The following ANK2 variants were observed in gnomAD, a reference collection of about 807,000 sequenced individuals.
The protein encoded by ANK2 is ankyrin 2.
In ANK2, 83 loss-of-function variants were observed where a neutral mutation model predicts 360.5. The ratio of observed to expected loss-of-function variants is 0.23; its 90% CI spans 0.19 to 0.28. The LOEUF (loss-of-function observed/expected upper bound fraction) is 0.28. Ranked by LOEUF, ANK2 falls within the 10% of genes least tolerant of loss-of-function variation. The pLI, the probability that ANK2 is intolerant of heterozygous loss-of-function variation, is 1.00. For synonymous variants in ANK2, 1,740 were observed against 1,759.5 expected, an observed-to-expected ratio of 0.99 and a Z score of 0.28; for missense variants, 4,201 against 4,795.7, an observed-to-expected ratio of 0.88 and a Z score of 3.66.
rs751253688 is a variant in ANK2, at chr4:113,356,873, C to A, written c.8255C>A (p.Thr2752Asn). The A allele has an allele frequency of 6.2e-7, 1 of 1,614,040 alleles. No homozygotes were observed. Among genetic ancestry groups the A allele is most frequent in the Non-Finnish European group, 8.5e-7 (1 of 1,179,994 alleles). ...GCTGAAGACCGTCATGCTGTTTCCA[C>A]TGAGGCTGAAGACAGGTCTTATGAT... is the stretch of plus-strand genomic sequence containing the variant. ...HLAEDRHAVS[T>N]EAEDRSYDKL... The change falls in exon 38 of 46, where the codon ACT becomes AAT. Residue 2752 changes from threonine to asparagine, a missense_variant. This residue lies in a region of ANK2 where 2,642 missense variants were observed against 2,714.5 expected (regional missense o/e 0.97). Coordinates refer to ENST00000357077, the MANE Select transcript of ANK2 (RefSeq NM_001148.6).
chr4:113,333,617 A>T (rs2092969171), intron 29 of ANK2, among the ~76,000 whole-genome samples: 1 of 152,210 alleles, frequency 6.6e-6, no homozygotes, highest in African/African-American at 2.4e-5. Flanking sequence ...AACATTAGAT[A>T]TTTAAGATAC....
chr4:112,937,149 G>T (rs930011133), intron 2 of ANK2, among the ~76,000 whole-genome samples: 1 of 151,990 alleles, frequency 6.6e-6, no homozygotes, highest in Non-Finnish European at 1.5e-5. Flanking sequence ...TCTGAATTTG[G>T]TTCTGAAAGC....
chr4:112,832,113 A>C (rs929153664), intron 1 of ANK2, among the ~76,000 whole-genome samples: 2 of 152,222 alleles, frequency 1.3e-5, no homozygotes, highest in African/African-American at 4.8e-5. Context: ...GCGCAGTGCT[A>C]CAATCTCAGG....
chr4:113,346,036 T>A lies in ANK2; in HGVS notation c.4371+14T>A. 6.2e-7 allele frequency: 1 copy of A among 1,612,902 alleles called. No individual in the cohort carries two copies. On this transcript the variant is annotated intron_variant, in intron 35 of 45. Coordinates refer to ENST00000357077, the MANE Select transcript of ANK2 (RefSeq NM_001148.6). ...ATTTATACAAAGGTATCGTAAAATC[T>A]GCTATAGTGCAATTCAGGTAGAGTA...
the ANK2 span, among the ~76,000 whole-genome samples, chr4:112,757,955 C>T: frequency 4.3e-5 from 6 of 138,124 alleles, no homozygotes; most frequent in East Asian, 1.2e-3. Flanking sequence ...TCCTGGCCCA[C>T]TGCAACGGCG....
chr4:113,367,102 G>T (rs2096565349), intron 41 of ANK2, among the ~76,000 whole-genome samples: 1 of 152,118 alleles, frequency 6.6e-6, no homozygotes, highest in Admixed American at 6.5e-5. Context: ...GTTAATACTT[G>T]CAGTGCACTT....
intron 1 of ANK2, chr4:112,826,522 G>C: frequency 7.9e-6 from 10 of 1,265,436 alleles, no homozygotes; most frequent in Non-Finnish European, 1.1e-5. Flanking sequence ...CCTGTTATTG[G>C]CACTCCAATG....
chr4:112,724,280 G>A, the ANK2 span, among the ~76,000 whole-genome samples: 1 of 151,974 alleles, frequency 6.6e-6, no homozygotes, highest in Non-Finnish European at 1.5e-5. Flanking sequence ...GGCTAGGCTG[G>A]TCTTGAATTC....
chr4:113,358,185 A>G lies in ANK2; in HGVS notation c.9567A>G (p.Glu3189=), dbSNP rs752891592. 2 of 1,613,970 alleles carry G rather than the reference A, an allele frequency of 1.2e-6. No homozygotes were observed. The stretch of plus-strand genomic sequence containing the variant: ...TACTTCCAGATGACGTGAGTGAGGA[A>G]GTAGAGGAAATACCTGCTTCGGATG... ...ADLLPDDVSE[E]VEEIPASDAQ... The change falls in exon 38 of 46, where the codon GAA becomes GAG. Residue 3189 remains glutamate, a synonymous_variant. Transcript: ENST00000357077.
chr4:112,744,352 T>C, the ANK2 span, among the ~76,000 whole-genome samples: 1 of 151,170 alleles, frequency 6.6e-6, no homozygotes, highest in Non-Finnish European at 1.5e-5. Context: ...GGATATGATT[T>C]TTTTTTTTTT....
the ANK2 span, among the ~76,000 whole-genome samples, chr4:112,751,800 C>T: frequency 6.6e-6 from 1 of 152,098 alleles, no homozygotes; most frequent in Non-Finnish European, 1.5e-5. Context: ...GTGTTAAGGA[C>T]TTAAGAAGTG....
intron 43 of ANK2, among the ~76,000 whole-genome samples, chr4:113,372,037 A>C (rs2096756285): frequency 6.6e-6 from 1 of 152,136 alleles, no homozygotes; most frequent in African/African-American, 2.4e-5. Flanking sequence ...TGCCAGGGAG[A>C]TGCACTATTG....
At chr4:113,033,588 GA>G (rs1302252835) in intron 2 of ANK2, among the ~76,000 whole-genome samples, 12 of 151,822 alleles carry the variant, frequency 7.9e-5, no homozygotes, top group Admixed American at 2.6e-4. Flanking sequence ...TACAATTTGA[GA>G]AAAAAGTGTG....
At chr4:112,730,252 C>CA in the ANK2 span, among the ~76,000 whole-genome samples, 1,696 of 50,448 alleles carry the variant, frequency 0.034, 44 homozygotes, top group African/African-American at 0.041. Context: ...GACTCTGTCT[C>CA]AAAAAAAAAA....
chr4:113,141,135 A>G (rs1218611415), intron 1 of ANK2: 1 of 152,226 alleles, frequency 6.6e-6, no homozygotes, highest in Non-Finnish European at 1.5e-5. Flanking sequence ...GTTAGTTTAC[A>G]ATTGTGACAT....
chr4:113,316,388 A>G (rs191603168), intron 24 of ANK2, among the ~76,000 whole-genome samples: 157 of 152,336 alleles, frequency 1.0e-3, no homozygotes, highest in African/African-American at 3.1e-3. Flanking sequence ...TGAATTACCT[A>G]CAAAGTGATG....
the ANK2 span, among the ~76,000 whole-genome samples, chr4:112,732,161 T>A: frequency 6.6e-6 from 1 of 152,100 alleles, no homozygotes; most frequent in Admixed American, 6.6e-5. Context: ...ACTGGGTGTA[T>A]CAGCTCATTT....
At chr4:112,838,922 A>G (rs978628341) in intron 1 of ANK2, among the ~76,000 whole-genome samples, 5 of 152,156 alleles carry the variant, frequency 3.3e-5, no homozygotes, top group African/African-American at 1.2e-4. Flanking sequence ...TCACTTTCTC[A>G]TAGGTTCTTC....
intron 34 of ANK2, among the ~76,000 whole-genome samples, chr4:113,343,901 G>GT (rs889201553): frequency 1.1e-4 from 17 of 151,826 alleles, no homozygotes; most frequent in African/African-American, 3.1e-4. Flanking sequence ...GGCTTCTGTC[G>GT]TTTTTTTTCC....
Sources: gnomAD v4.1 joint callset for allele counts (sites outside exome capture counted in the v4.1 genomes callset) on GRCh38, gnomAD v4.1.1 for gene constraint, gnomAD v4.1.1 regional missense constraint, MANE v1.5 for transcripts, NCBI Gene and HGNC (gene_info 2026-07-23, HGNC 2026-07-21) for gene names.